The following VKORC1L1 variants were observed in gnomAD, a reference collection of about 807,000 sequenced individuals.
VKORC1L1 encodes vitamin K epoxide reductase complex subunit 1L1.
Under a neutral mutation model 18.9 loss-of-function variants are expected in VKORC1L1, and 2 were observed. That is an observed-to-expected ratio of 0.11 (90% CI 0.04 to 0.33). The LOEUF (loss-of-function observed/expected upper bound fraction) is 0.33, where lower values mean the gene tolerates loss of function less well. VKORC1L1 is among the 10% of genes least tolerant of loss of function. VKORC1L1 has a pLI of 1.00. For synonymous variants in VKORC1L1, 96 were observed against 100.0 expected (o/e 0.96, Z 0.24); for missense variants, 123 against 224.1 (o/e 0.55, Z 2.88).
At chr7:65,947,531 A>G (rs1460629250) in intron 1 of VKORC1L1, among the ~76,000 whole-genome samples, 3 of 152,102 alleles carry the variant, frequency 2.0e-5, no homozygotes, top group Admixed American at 2.0e-4. Context: ...GTTTTATCAA[A>G]TAAGTTAACA....
chr7:65,866,139 G>C, the VKORC1L1 span, among the ~76,000 whole-genome samples: 11 of 152,192 alleles, frequency 7.2e-5, no homozygotes, highest in East Asian at 1.3e-3. Flanking sequence ...CCTGGGCTCC[G>C]TATGACTTGT....
intron 1 of VKORC1L1, among the ~76,000 whole-genome samples, chr7:65,887,147 C>T (rs1355453034): frequency 6.6e-6 from 1 of 152,012 alleles, no homozygotes; most frequent in Non-Finnish European, 1.5e-5. Context: ...CCATGCCTGG[C>T]CGGGAAGGTA....
chr7:65,954,512 G>A lies in VKORC1L1; in HGVS notation c.*212G>A, dbSNP rs1395227227. 1.5e-5 allele frequency: 13 copies of A among 841,626 alleles called. No homozygotes were observed. The highest frequency in any genetic ancestry group is 1.1e-4 in the South Asian group (4 of 37,016). The allele number at this position is 841,626 out of a possible 1,614,324, so 52.1% of individuals were successfully genotyped here. ...TTAAATATGGATACAAAAAGGATAC[G>A]CCGAGCCAATCAAAGACAAGCTTTA... On this transcript the variant is annotated 3_prime_UTR_variant, in exon 3 of 3. Coordinates refer to ENST00000360768, the MANE Select transcript of VKORC1L1 (RefSeq NM_173517.6).
At chr7:65,890,548 C>T (rs761232214) in intron 1 of VKORC1L1, among the ~76,000 whole-genome samples, 3 of 152,184 alleles carry the variant, frequency 2.0e-5, no homozygotes, top group African/African-American at 4.8e-5. Context: ...GGATTACAGA[C>T]GTGAGCCACC....
intron 1 of VKORC1L1, among the ~76,000 whole-genome samples, chr7:65,930,600 A>G (rs1158095117): frequency 1.3e-5 from 2 of 152,138 alleles, no homozygotes; most frequent in East Asian, 1.9e-4. Context: ...GTATGTATAT[A>G]TGGTTTAGGC....
In VKORC1L1 at chr7:65,954,515, G is replaced by A. The variant is rs143148384; in HGVS notation, c.*215G>A. ...AATATGGATACAAAAAGGATACGCC[G>A]AGCCAATCAAAGACAAGCTTTAACT... On this transcript the variant is annotated 3_prime_UTR_variant, in exon 3 of 3. Transcript: ENST00000360768. 18 of 824,608 alleles carry A rather than the reference G, an allele frequency of 2.2e-5. No homozygotes were observed. Among genetic ancestry groups the A allele is most frequent in the Middle Eastern group, 3.9e-4 (1 of 2,532 alleles). 51.1% of individuals were successfully genotyped at this position (824,608 alleles called of 1,614,324 possible).
At chr7:65,919,604 C>T (rs1264603994) in intron 1 of VKORC1L1, among the ~76,000 whole-genome samples, 1 of 152,146 alleles carries the variant, frequency 6.6e-6, no homozygotes, top group African/African-American at 2.4e-5. Flanking sequence ...AAAATATATC[C>T]TGGGCCTAAC....
intron 1 of VKORC1L1, among the ~76,000 whole-genome samples, chr7:65,934,626 C>G (rs537180123): frequency 1.3e-5 from 2 of 152,140 alleles, no homozygotes; most frequent in Admixed American, 1.3e-4. Flanking sequence ...TGAAAACATG[C>G]AGTATTTGCT....
At chr7:65,881,073 C>T (rs1360349054) in intron 1 of VKORC1L1, among the ~76,000 whole-genome samples, 4 of 152,108 alleles carry the variant, frequency 2.6e-5, no homozygotes, top group Non-Finnish European at 5.9e-5. Context: ...ATTCCCAAAT[C>T]TGAAAAAATC....
intron 1 of VKORC1L1, among the ~76,000 whole-genome samples, chr7:65,908,729 C>T (rs1225192322): frequency 6.7e-6 from 1 of 148,532 alleles, no homozygotes; most frequent in South Asian, 2.1e-4. Context: ...CCCAGCTACT[C>T]AGGAGGCTGA....
At chr7:65,897,207 G>A (rs1032700182) in intron 1 of VKORC1L1, among the ~76,000 whole-genome samples, 1 of 152,192 alleles carries the variant, frequency 6.6e-6, no homozygotes, top group Non-Finnish European at 1.5e-5. Flanking sequence ...ACAGTTCAAA[G>A]GAAAGACAAG....
At chr7:65,948,371 T>C (rs1311399683) in intron 1 of VKORC1L1, among the ~76,000 whole-genome samples, 1 of 143,256 alleles carries the variant, frequency 7.0e-6, no homozygotes, top group East Asian at 2.1e-4. Flanking sequence ...ACTAATGCCA[T>C]TGGAAAACGA....
At chr7:65,880,526 A>G (rs1475388769) in intron 1 of VKORC1L1, among the ~76,000 whole-genome samples, 1 of 152,004 alleles carries the variant, frequency 6.6e-6, no homozygotes, top group Non-Finnish European at 1.5e-5. Context: ...GAGGGAAAAG[A>G]GTTTGTTTGA....
chr7:65,871,819 G>A (rs1193084074), upstream of VKORC1L1, among the ~76,000 whole-genome samples: 1 of 151,902 alleles, frequency 6.6e-6, no homozygotes, highest in East Asian at 1.9e-4. Context: ...ATGAGAGCCT[G>A]AGCCAGAGGA....
chr7:65,914,613 TC>T (rs1789556675), intron 1 of VKORC1L1, among the ~76,000 whole-genome samples: 1 of 152,206 alleles, frequency 6.6e-6, no homozygotes, highest in East Asian at 1.9e-4. Flanking sequence ...CAGCATTCTT[TC>T]TGCTTCCCCT....
At chr7:65,943,063 C>T (rs148196299) in intron 1 of VKORC1L1, among the ~76,000 whole-genome samples, 21 of 152,122 alleles carry the variant, frequency 1.4e-4, no homozygotes, top group South Asian at 2.1e-4. Flanking sequence ...TGAAAGTCTA[C>T]GAAATCATAG....
chr7:65,948,947 A>G (rs1176094112), intron 2 of VKORC1L1, among the ~76,000 whole-genome samples, 167 bp downstream of exon 2: 1 of 152,136 alleles, frequency 6.6e-6, no homozygotes, highest in Non-Finnish European at 1.5e-5. Flanking sequence ...TTATTATATT[A>G]TTGTTGAATT....
At chr7:65,900,407 AG>A in intron 1 of VKORC1L1, among the ~76,000 whole-genome samples, 1 of 151,768 alleles carries the variant, frequency 6.6e-6, no homozygotes, top group African/African-American at 2.4e-5. Context: ...AAAAAAAAAA[AG>A]AAAATATAGA....
In VKORC1L1 at chr7:65,958,428, CAG is replaced by C. The variant is rs1790337061; in HGVS notation, c.*4132_*4133del. ...TAATCTAGATAGAAATACTCTTTAT[CAG>C]AGATTTAAGGCACTGTTTTGCTAAC... On this transcript the variant is annotated 3_prime_UTR_variant, in exon 3 of 3. Coordinates refer to ENST00000360768, the MANE Select transcript of VKORC1L1 (RefSeq NM_173517.6). 6.6e-6 allele frequency: 1 copy of C among 152,162 alleles called. No individual in the cohort carries two copies. The highest frequency in any genetic ancestry group is 2.1e-4 in the South Asian group (1 of 4,830). 9.4% of individuals were successfully genotyped at this position (152,162 alleles called of 1,614,324 possible). A position where few individuals can be genotyped will look rare whatever the true frequency, so the allele number is the denominator to read the frequency against.
Sources: gnomAD v4.1 joint callset for allele counts (sites outside exome capture counted in the v4.1 genomes callset) on GRCh38, gnomAD v4.1.1 for gene constraint, MANE v1.5 for transcripts, NCBI Gene and HGNC (gene_info 2026-07-23, HGNC 2026-07-21) for gene names.